DLG2: variants seen among roughly 807,000 people sequenced by gnomAD.
The protein encoded by DLG2 is disks large homolog 2.
In DLG2, 45 loss-of-function variants were observed where a neutral mutation model predicts 132.5. The ratio of observed to expected loss-of-function variants is 0.34; its 90% CI spans 0.27 to 0.44. The LOEUF (loss-of-function observed/expected upper bound fraction) is 0.44. Among genes scored for constraint, DLG2 ranks in the 20% least tolerant of loss-of-function variants. The pLI, the probability that DLG2 is intolerant of heterozygous loss-of-function variation, is 1.00. For missense variants in DLG2, 1,045 were observed against 1,196.9 expected (o/e 0.87, Z 1.87); for synonymous variants, 424 against 419.6 (o/e 1.01, Z -0.13).
chr11:85,154,163 A>T (rs1429057416), intron 5 of DLG2, among the ~76,000 whole-genome samples: 1 of 144,590 alleles, frequency 6.9e-6, no homozygotes, highest in African/African-American at 2.5e-5. Context: ...AAAAAAAAAC[A>T]GTCTCATTGC....
chr11:85,614,621 C>T (rs188201382), intron 2 of DLG2, among the ~76,000 whole-genome samples: 46 of 152,258 alleles, frequency 3.0e-4, no homozygotes, highest in African/African-American at 9.6e-4. Flanking sequence ...GCCTGGGCAA[C>T]GAGAGTGCAA....
At chr11:85,074,250 T>C (rs1455051454) in intron 6 of DLG2, among the ~76,000 whole-genome samples, 1 of 151,866 alleles carries the variant, frequency 6.6e-6, no homozygotes, top group East Asian at 1.9e-4. Context: ...AAAATAATTT[T>C]TTTAAGGTAG....
intron 3 of DLG2, among the ~76,000 whole-genome samples, chr11:85,468,143 G>C (rs1057100938): frequency 6.6e-6 from 1 of 152,080 alleles, no homozygotes; most frequent in Admixed American, 6.5e-5. Flanking sequence ...ATTTCTGTGG[G>C]ATCGATGGTG....
intron 7 of DLG2, among the ~76,000 whole-genome samples, chr11:84,315,628 T>C (rs1269783880): frequency 6.6e-6 from 1 of 152,176 alleles, no homozygotes; most frequent in Non-Finnish European, 1.5e-5. Flanking sequence ...CAACTTCTAT[T>C]TTAAGCCAAA....
chr11:84,579,191 G>GTGTA lies in DLG2; in HGVS notation c.358-44461_358-44460insTACA, dbSNP rs1555057754. Among the ~76,000 whole-genome samples the GTGTA allele has an allele frequency of 8.2e-4, 118 of 144,546 alleles. 1 individual carries two copies. Among genetic ancestry groups the GTGTA allele is most frequent in the African/African-American group, 2.9e-3 (114 of 39,012 alleles). 94.8% of individuals were successfully genotyped at this position (144,546 alleles called of 152,430 possible). ...CTAATACACCTTGCATTATTCACGT[G>GTGTA]TGTGTGTGTGTGTGTGTGTGTGTGT... On this transcript the variant is annotated intron_variant, in intron 6 of 27. Coordinates refer to ENST00000376104, the MANE Select transcript of DLG2 (RefSeq NM_001142699.3).
intron 6 of DLG2, among the ~76,000 whole-genome samples, chr11:84,693,880 A>G (rs996400439): frequency 6.6e-6 from 1 of 151,662 alleles, no homozygotes; most frequent in Admixed American, 6.6e-5. Context: ...ATTCTTCAAG[A>G]TTACATTCAG....
At chr11:83,633,612 G>A (rs1374944585) in intron 18 of DLG2, among the ~76,000 whole-genome samples, 1 of 152,020 alleles carries the variant, frequency 6.6e-6, no homozygotes, top group Admixed American at 6.6e-5. Context: ...GGGGGATCAT[G>A]GGAAGGCAGG....
At chr11:84,559,215 T>A (rs896388566) in intron 6 of DLG2, among the ~76,000 whole-genome samples, 1 of 152,144 alleles carries the variant, frequency 6.6e-6, no homozygotes, top group Non-Finnish European at 1.5e-5. Flanking sequence ...CCTGAACTTT[T>A]ATCTATTATT....
chr11:84,513,533 C>T (rs1175205977), intron 7 of DLG2, among the ~76,000 whole-genome samples: 1 of 151,974 alleles, frequency 6.6e-6, no homozygotes, highest in African/African-American at 2.4e-5. Flanking sequence ...AACAAATCCA[C>T]ACATATACAG....
At chr11:84,306,517 C>T (rs550402609) in intron 7 of DLG2, among the ~76,000 whole-genome samples, 1 of 152,088 alleles carries the variant, frequency 6.6e-6, no homozygotes, top group Non-Finnish European at 1.5e-5. Context: ...TTGATTTTCG[C>T]GGAGTTATAG....
intron 4 of DLG2, among the ~76,000 whole-genome samples, chr11:85,226,099 C>T (rs985466893): frequency 1.3e-5 from 2 of 151,726 alleles, no homozygotes; most frequent in Admixed American, 6.6e-5. Flanking sequence ...TCAATCATTG[C>T]TCTGCATATC....
At chr11:84,178,114 CAGT>C (rs1184741902) in intron 8 of DLG2, among the ~76,000 whole-genome samples, 2 of 152,048 alleles carry the variant, frequency 1.3e-5, no homozygotes, top group Non-Finnish European at 2.9e-5. Flanking sequence ...TCTGTGGGTA[CAGT>C]AGTTCTACCA....
intron 4 of DLG2, among the ~76,000 whole-genome samples, chr11:85,162,057 A>G (rs556086825): frequency 1.3e-5 from 2 of 152,298 alleles, no homozygotes; most frequent in South Asian, 4.1e-4. Flanking sequence ...AGGAGACACA[A>G]TGATTCCATT....
intron 3 of DLG2, among the ~76,000 whole-genome samples, chr11:85,429,908 CAT>C (rs2091047917): frequency 1.3e-5 from 2 of 152,160 alleles, no homozygotes; most frequent in South Asian, 2.1e-4. Flanking sequence ...CACATACACA[CAT>C]ATGTTTATTG....
chr11:83,641,749 C>T (rs557939845), intron 18 of DLG2, among the ~76,000 whole-genome samples: 1 of 152,222 alleles, frequency 6.6e-6, no homozygotes, highest in Non-Finnish European at 1.5e-5. Context: ...TACTTCAACC[C>T]GACTTAGCTC....
intron 14 of DLG2, 129 bp from the exon 15 acceptor site, chr11:83,930,612 G>C (rs1247460971): frequency 2.1e-6 from 2 of 967,286 alleles, no homozygotes; most frequent in African/African-American, 3.3e-5. Context: ...GTTACTAAAA[G>C]AAACCCAATT....
chr11:84,273,309 A>ATT, intron 7 of DLG2: 1 of 1,081,044 alleles, frequency 9.3e-7, no homozygotes, highest in Non-Finnish European at 1.2e-6. Context: ...TGAAGAGGAA[A>ATT]AAAAAAAAAA....
chr11:84,312,312 T>C (rs755853388), intron 7 of DLG2, among the ~76,000 whole-genome samples: 30 of 151,904 alleles, frequency 2.0e-4, no homozygotes, highest in Non-Finnish European at 3.7e-4. Flanking sequence ...CTAATAAAAA[T>C]ACACACAAAA....
chr11:83,575,504 A>T (rs1468115409), intron 19 of DLG2, among the ~76,000 whole-genome samples: 1 of 152,204 alleles, frequency 6.6e-6, no homozygotes, highest in African/African-American at 2.4e-5. Context: ...ACTCTTGAGT[A>T]TTTAGCAGAG....
Sources: allele counts gnomAD v4.1 joint callset (sites outside exome capture counted in the v4.1 genomes callset), GRCh38; gene constraint gnomAD v4.1.1; transcripts MANE v1.5; gene names NCBI Gene and HGNC (gene_info 2026-07-23, HGNC 2026-07-21).